Variants in NCF4 observed in about 807,000 individuals in gnomAD.
The protein encoded by NCF4 is neutrophil cytosolic factor 4.
NCF4 carries 30 observed loss-of-function variants against 41.7 expected under a neutral mutation model. That is an observed-to-expected ratio of 0.72 (90% confidence interval 0.54 to 0.97). NCF4 has a LOEUF of 0.97. NCF4 is among the 50% of genes least tolerant of loss of function. The pLI is 0.00. For synonymous variants in NCF4, 195 were observed against 175.8 expected (o/e 1.11, Z -0.87); for missense variants, 432 against 460.9 (o/e 0.94, Z 0.57).
At chr22:36,869,782 C>CCT (rs1450856851) in intron 4 of NCF4, among the ~76,000 whole-genome samples, 1 of 152,208 alleles carries the variant, frequency 6.6e-6, no homozygotes, top group African/African-American at 2.4e-5. Flanking sequence ...TAGCTCGGCT[C>CCT]CTCTGGGCCA....
intron 8 of NCF4, 89 bp from the exon 9 acceptor site, chr22:36,875,940 G>C: frequency 6.2e-7 from 1 of 1,614,146 alleles, no homozygotes; most frequent in Non-Finnish European, 8.5e-7. Flanking sequence ...AACGTCCAGG[G>C]TGGCCTGGCC....
rs1940231161 is a variant in NCF4 at position 36,877,980 on chromosome 22, C to A, written c.*157C>A. ...GTAATCTGTCTCTTTCTACTATTTA[C>A]ATCTGATTTAAATAAACCATTCCAT... On this transcript the variant is annotated 3_prime_UTR_variant, in exon 10 of 10. Coordinates refer to ENST00000248899, the MANE Select transcript of NCF4 (RefSeq NM_000631.5). The A allele has an allele frequency of 5.6e-6, 4 of 720,542 alleles. No individual in the cohort carries two copies. The highest frequency in any genetic ancestry group is 3.7e-4 in the Middle Eastern group (1 of 2,676). 44.6% of individuals were successfully genotyped at this position (720,542 alleles called of 1,614,324 possible).
Position 36,870,519 on chromosome 22 carries a change from G to A in NCF4, c.447G>A (p.Arg149=), listed in dbSNP as rs764896112. The A allele has an allele frequency of 1.2e-6, 2 of 1,613,006 alleles. No homozygotes were observed. Among genetic ancestry groups the A allele is most frequent in the East Asian group, 4.5e-5 (2 of 44,862 alleles). ...AGCAGGTGCCCCAGGCACTCCGCCG[G>A]CTCCGCCCGCGCACCCGGAAAGTGT... The part of the protein sequence containing the change: ...DSEQVPQALR[R]LRPRTRKVKS... Residue 149 remains arginine (R), a synonymous_variant, in exon 5 of 10, where the codon CGG becomes CGA. Coordinates refer to ENST00000248899, the MANE Select transcript of NCF4 (RefSeq NM_000631.5).
rs1249713474 is a variant in NCF4 at position 36,867,404 on chromosome 22, T to C, written c.284T>C (p.Val95Ala). 2 of 1,614,110 alleles carry C rather than the reference T, an allele frequency of 1.2e-6. No homozygotes were observed. The highest frequency in any genetic ancestry group is 1.1e-5 in the South Asian group (1 of 91,082). The change falls in exon 4 of 10, where the codon GTG (valine) becomes GCG (alanine). Residue 95 changes from valine (V) to alanine (A), a missense_variant. Transcript: ENST00000248899. ...TGTCTCTTCTCAGCCAAAGTCTACG[T>C]GGGTGTGAAACAGGAGATCGCCGAG... ...TLPTLPAKVY[V>A]GVKQEIAEMR...
chr22:36,867,499 G>A (rs767034129), intron 4 of NCF4, 37 bp downstream of exon 4: 3 of 1,609,088 alleles, frequency 1.9e-6, no homozygotes, highest in Non-Finnish European at 2.6e-6. Flanking sequence ...ACGTGGAAGG[G>A]CATGCAGTAT....
At chr22:36,873,748 G>T (rs1310515081) in intron 7 of NCF4, among the ~76,000 whole-genome samples, 2 of 152,164 alleles carry the variant, frequency 1.3e-5, no homozygotes, top group Non-Finnish European at 2.9e-5. Context: ...GTTGTCCTGA[G>T]CATTGCAGGC....
chr22:36,861,097 G>A lies in NCF4; in HGVS notation c.-75G>A. The A allele has an allele frequency of 6.5e-7, 1 of 1,536,506 alleles. No individual in the cohort carries two copies. Among genetic ancestry groups the A allele is most frequent in the Non-Finnish European group, 8.8e-7 (1 of 1,133,650 alleles). On this transcript the variant is annotated 5_prime_UTR_variant, in exon 1 of 10. Coordinates refer to ENST00000248899, the MANE Select transcript of NCF4 (RefSeq NM_000631.5). Reference sequence around the variant, plus strand: ...TGAGACGAGACGCAGGGTGGCTGGAGGAAGTGAGAGGTGAACTCAGCCTGG... The same window carrying A: ...TGAGACGAGACGCAGGGTGGCTGGAAGAAGTGAGAGGTGAACTCAGCCTGG...
intron 4 of NCF4, among the ~76,000 whole-genome samples, chr22:36,868,057 G>A (rs1280335411): frequency 6.6e-6 from 1 of 152,238 alleles, no homozygotes; most frequent in Non-Finnish European, 1.5e-5. Flanking sequence ...TGGGAGCGTA[G>A]AGGAAGGAGC....
chr22:36,870,659 C>G, intron 5 of NCF4, 117 bp downstream of exon 5: 3 of 1,365,512 alleles, frequency 2.2e-6, no homozygotes, highest in Non-Finnish European at 3.0e-6. Context: ...TCCCTGGACA[C>G]TCCAGGATGA....
At chr22:36,872,234 T>A (rs1940074873) in intron 6 of NCF4, 93 bp from the exon 7 acceptor site, 4 of 1,019,462 alleles carry the variant, frequency 3.9e-6, no homozygotes, top group Non-Finnish European at 6.2e-6. Flanking sequence ...AGTTTCTACA[T>A]CTGTAAAATG....
In NCF4 at chr22:36,877,994, A is replaced by T. The variant is rs886057489; in HGVS notation, c.*171A>T. 4 of 679,274 alleles carry T rather than the reference A, an allele frequency of 5.9e-6. No individual in the cohort carries two copies. In the Admixed American group the frequency reaches 8.6e-5, roughly 15 times the overall value. 42.1% of individuals were successfully genotyped at this position (679,274 alleles called of 1,614,324 possible). ...TCTACTATTTACATCTGATTTAAAT[A>T]AACCATTCCATCTGAAAGGGGCAGG... On this transcript the variant is annotated 3_prime_UTR_variant, in exon 10 of 10. Coordinates refer to ENST00000248899, the MANE Select transcript of NCF4 (RefSeq NM_000631.5).
chr22:36,866,387 GT>G (rs1939927328), intron 3 of NCF4, among the ~76,000 whole-genome samples: 1 of 151,942 alleles, frequency 6.6e-6, no homozygotes. Flanking sequence ...AGGCACCAGT[GT>G]CTCCCAATCC....
intron 4 of NCF4, among the ~76,000 whole-genome samples, chr22:36,869,089 A>G (rs1033969013): frequency 2.0e-5 from 3 of 152,192 alleles, no homozygotes; most frequent in Non-Finnish European, 4.4e-5. Flanking sequence ...ATAAATGAAT[A>G]ATCTTATTTA....
In NCF4 at chr22:36,865,164, C is replaced by A; in HGVS notation, c.271+92C>A. 6.5e-7 allele frequency: 1 copy of A among 1,544,292 alleles called. No individual in the cohort carries two copies. The highest frequency in any genetic ancestry group is 8.8e-7 in the Non-Finnish European group (1 of 1,137,440). ...ACTGTTCTGTGATTTGATCTCAACC[C>A]CAGTGAAAACTGTTCATGTAGTTTA... On this transcript the variant is annotated intron_variant, in intron 3 of 9. Coordinates refer to ENST00000248899, the MANE Select transcript of NCF4 (RefSeq NM_000631.5). The surrounding 1 kb of genome is among the most constrained non-coding windows in gnomAD (Gnocchi z 4.3).
chr22:36,869,560 G>T (rs1940004070), intron 4 of NCF4, among the ~76,000 whole-genome samples: 1 of 152,128 alleles, frequency 6.6e-6, no homozygotes, highest in African/African-American at 2.4e-5. Context: ...GCCCCCATGG[G>T]ATCCTCTGCA....
intron 1 of NCF4, among the ~76,000 whole-genome samples, chr22:36,863,750 G>T (rs1939843189): frequency 6.6e-6 from 1 of 151,056 alleles, no homozygotes; most frequent in African/African-American, 2.4e-5. Context: ...ACTATAATTT[G>T]GCTATTGCTA....
chr22:36,872,183 T>G (rs1243147245), intron 6 of NCF4, 144 bp from the exon 7 acceptor site: 1 of 755,002 alleles, frequency 1.3e-6, no homozygotes, highest in African/African-American at 1.7e-5. Flanking sequence ...CACTAAAAAA[T>G]GGGGTGGCCT....
intron 7 of NCF4, 107 bp from the exon 8 acceptor site, chr22:36,875,546 G>A (rs781237715): frequency 1.6e-5 from 16 of 1,017,428 alleles, no homozygotes; most frequent in Middle Eastern, 4.6e-4. Flanking sequence ...AAGAAGACCC[G>A]GACCTCATCT....
chr22:36,864,866 T>C, intron 2 of NCF4, 53 bp from the exon 3 acceptor site: 1 of 1,611,198 alleles, frequency 6.2e-7, no homozygotes, highest in Non-Finnish European at 8.5e-7. Flanking sequence ...CCACCTCTTT[T>C]TGGCTTGTGC....
Sources: gnomAD v4.1 joint callset for allele counts (sites outside exome capture counted in the v4.1 genomes callset) on GRCh38, gnomAD v4.1.1 for gene constraint, Gnocchi (gnomAD v3.1) non-coding constraint, MANE v1.5 for transcripts, NCBI Gene and HGNC (gene_info 2026-07-23, HGNC 2026-07-21) for gene names.